AGMO: variants seen among roughly 807,000 people sequenced by gnomAD.
The protein encoded by AGMO is alkylglycerol monooxygenase, also known as glyceryl-ether monooxygenase.
In AGMO, 75 loss-of-function variants were observed where a neutral mutation model predicts 60.2. That is an observed-to-expected ratio of 1.25 (90% CI 1.03 to 1.51). The LOEUF (loss-of-function observed/expected upper bound fraction) is 1.51, where lower values mean the gene tolerates loss of function less well. Ranked by LOEUF, AGMO falls within the 40% of genes most tolerant of loss-of-function variation. AGMO has a pLI of 0.00. For synonymous variants in AGMO, 261 were observed against 177.1 expected (o/e 1.47, Z -3.76); for missense variants, 763 against 525.5 (o/e 1.45, Z -4.42).
chr7:15,479,330 T>C (rs1200929004), intron 3 of AGMO, among the ~76,000 whole-genome samples: 1 of 152,098 alleles, frequency 6.6e-6, no homozygotes, highest in Non-Finnish European at 1.5e-5. Flanking sequence ...ACACAGGTGA[T>C]ATCAACATCA....
chr7:15,556,677 G>A (rs750405770), intron 2 of AGMO, among the ~76,000 whole-genome samples: 3 of 152,040 alleles, frequency 2.0e-5, no homozygotes, highest in Non-Finnish European at 2.9e-5. Context: ...TAACATTTAA[G>A]TCAGTAGCAG....
At chr7:15,133,449 A>T in the AGMO span, among the ~76,000 whole-genome samples, 1 of 152,070 alleles carries the variant, frequency 6.6e-6, no homozygotes, top group African/African-American at 2.4e-5. Context: ...CTAAGGAAGT[A>T]GGGAGGGAAG....
intron 12 of AGMO, among the ~76,000 whole-genome samples, chr7:15,226,849 A>G (rs1374867351): frequency 1.3e-5 from 2 of 152,098 alleles, no homozygotes; most frequent in African/African-American, 2.4e-5. Flanking sequence ...TTCATGAAAA[A>G]TAGTCTGGCA....
chr7:15,360,333 C>T (rs562359946), intron 12 of AGMO, among the ~76,000 whole-genome samples: 7 of 152,082 alleles, frequency 4.6e-5, no homozygotes, highest in African/African-American at 1.4e-4. Flanking sequence ...GCCAACCCCC[C>T]GTGCGGTCAA....
At chr7:15,379,915 G>C (rs1000133982) in intron 10 of AGMO, among the ~76,000 whole-genome samples, 8 of 152,014 alleles carry the variant, frequency 5.3e-5, no homozygotes, top group Admixed American at 2.6e-4. Flanking sequence ...GAAAGCATAT[G>C]ATTATCCCAA....
the AGMO span, among the ~76,000 whole-genome samples, chr7:15,119,311 G>A: frequency 1.3e-5 from 2 of 151,946 alleles, no homozygotes; most frequent in East Asian, 1.9e-4. Context: ...ATGCTGCCAT[G>A]CTTCCTGTAC....
At position 15,394,079 on chromosome 7, in the gene AGMO, T is replaced by C. The variant is rs767265165; in HGVS notation, c.676+34A>G. The C allele has an allele frequency of 5.3e-6, 8 of 1,497,706 alleles. No homozygotes were observed. The South Asian group carries it at 5.7e-5, about 11-fold the overall frequency. The allele number at this position is 1,497,706 out of a possible 1,614,324, so 92.8% of individuals were successfully genotyped here. On this transcript the variant is annotated intron_variant, in intron 6 of 12. Coordinates refer to ENST00000342526, the MANE Select transcript of AGMO (RefSeq NM_001004320.2). ...AATAATAATGCAATTTTTAGAGAAA[T>C]GAAGAAAAGAGAGAAGAAACAAAAC... is the stretch of plus-strand genomic sequence containing the variant.
chr7:15,462,415 A>G (rs1242044765), intron 3 of AGMO, among the ~76,000 whole-genome samples: 1 of 152,196 alleles, frequency 6.6e-6, no homozygotes, highest in East Asian at 1.9e-4. Flanking sequence ...CAGTTCTACT[A>G]TTGCCAGAGA....
At chr7:15,154,285 G>C in the AGMO span, among the ~76,000 whole-genome samples, 32 of 152,046 alleles carry the variant, frequency 2.1e-4, no homozygotes, top group African/African-American at 7.7e-4. Flanking sequence ...TACAATAGCT[G>C]CAAAAAATAA....
intron 3 of AGMO, among the ~76,000 whole-genome samples, chr7:15,461,798 T>C (rs1782150215): frequency 6.6e-6 from 1 of 152,106 alleles, no homozygotes; most frequent in Non-Finnish European, 1.5e-5. Context: ...ATGTATATAC[T>C]TGAAGAAGTA....
chr7:15,245,701 T>C (rs1782720052), intron 12 of AGMO, among the ~76,000 whole-genome samples: 1 of 152,234 alleles, frequency 6.6e-6, no homozygotes, highest in Admixed American at 6.5e-5. Context: ...CAATGATTAC[T>C]CATGATAATT....
chr7:15,240,023 C>T (rs935947555), intron 12 of AGMO, among the ~76,000 whole-genome samples: 1 of 152,126 alleles, frequency 6.6e-6, no homozygotes, highest in Non-Finnish European at 1.5e-5. Flanking sequence ...ACAACAACTT[C>T]TGCTGCAACT....
chr7:15,482,232 G>A (rs1383592746), intron 3 of AGMO, among the ~76,000 whole-genome samples: 2 of 151,892 alleles, frequency 1.3e-5, no homozygotes, highest in African/African-American at 4.8e-5. Flanking sequence ...ATGGTTTTCT[G>A]AAAGGTTTGA....
chr7:15,542,997 T>C (rs577386732), intron 3 of AGMO, among the ~76,000 whole-genome samples: 59 of 152,316 alleles, frequency 3.9e-4, no homozygotes, highest in African/African-American at 1.3e-3. Flanking sequence ...CACAAATCCA[T>C]GCTACTCCTA....
the AGMO span, among the ~76,000 whole-genome samples, chr7:15,136,229 G>A: frequency 8.6e-5 from 13 of 152,002 alleles, no homozygotes; most frequent in Non-Finnish European, 1.6e-4. Context: ...CTGACCTCAG[G>A]TGATCTGCTT....
At chr7:15,325,282 A>T (rs1215313829) in intron 12 of AGMO, among the ~76,000 whole-genome samples, 1 of 152,146 alleles carries the variant, frequency 6.6e-6, no homozygotes, top group Non-Finnish European at 1.5e-5. Context: ...AATAAATAGT[A>T]TTCACTATAT....
intron 12 of AGMO, among the ~76,000 whole-genome samples, chr7:15,280,412 G>A (rs560905613): frequency 6.6e-6 from 1 of 152,196 alleles, no homozygotes; most frequent in East Asian, 1.9e-4. Context: ...CCAGAGAACT[G>A]CCCCCTCACA....
chr7:15,238,932 T>A lies in AGMO; in HGVS notation c.1264-37573A>T, dbSNP rs371897394. Among the ~76,000 whole-genome samples, 7 of 152,276 alleles carry A rather than the reference T, an allele frequency of 4.6e-5. No homozygotes were observed. In the East Asian group the frequency reaches 7.7e-4, roughly 17 times the overall value. On this transcript the variant is annotated intron_variant, in intron 12 of 12. Transcript: ENST00000342526. Reference sequence around the variant, plus strand: ...AGGCGCAGGCGCTATTTAAAGTTGTTTGCATATGTAAACTTTTTATTGCAC... The same window carrying A: ...AGGCGCAGGCGCTATTTAAAGTTGTATGCATATGTAAACTTTTTATTGCAC...
chr7:15,540,109 G>C (rs1248273657), intron 3 of AGMO, among the ~76,000 whole-genome samples: 1 of 152,118 alleles, frequency 6.6e-6, no homozygotes, highest in East Asian at 1.9e-4. Context: ...AGCAACCAAA[G>C]AATGCAGCTA....
Sources: allele counts gnomAD v4.1 joint callset (sites outside exome capture counted in the v4.1 genomes callset), GRCh38; gene constraint gnomAD v4.1.1; transcripts MANE v1.5; gene names NCBI Gene and HGNC (gene_info 2026-07-23, HGNC 2026-07-21).